The following STXBP6 variants were observed in gnomAD, a reference collection of about 807,000 sequenced individuals.
The protein encoded by STXBP6 is syntaxin binding protein 6.
STXBP6 carries 21 observed loss-of-function variants against 26.9 expected under a neutral mutation model. The observed-to-expected ratio is 0.78, with a 90% CI of 0.55 to 1.12. The LOEUF (loss-of-function observed/expected upper bound fraction) is 1.12. STXBP6 is among the 50% of genes most tolerant of loss of function. STXBP6 has a pLI of 0.00. For missense variants in STXBP6, 232 were observed against 257.9 expected (o/e 0.90, Z 0.69); for synonymous variants, 97 against 92.6 (o/e 1.05, Z -0.27).
chr14:25,027,595 T>G (rs1449569729), intron 1 of STXBP6, among the ~76,000 whole-genome samples: 2 of 152,146 alleles, frequency 1.3e-5, no homozygotes, highest in Non-Finnish European at 2.9e-5. Context: ...ACAACAATAT[T>G]GAAATTAGGC....
At chr14:24,883,353 C>T (rs1352689087) in intron 2 of STXBP6, among the ~76,000 whole-genome samples, 1 of 152,102 alleles carries the variant, frequency 6.6e-6, no homozygotes, top group Non-Finnish European at 1.5e-5. Context: ...CATAGTGATA[C>T]ATTACTATTA....
intron 4 of STXBP6, among the ~76,000 whole-genome samples, chr14:24,838,482 G>A (rs1368218941): frequency 1.3e-5 from 2 of 151,958 alleles, no homozygotes; most frequent in Admixed American, 6.6e-5. Flanking sequence ...TCAGGAGTTC[G>A]AGACCAGCCT....
At chr14:24,828,940 G>A (rs148582861) in intron 4 of STXBP6, among the ~76,000 whole-genome samples, 101 of 152,310 alleles carry the variant, frequency 6.6e-4, no homozygotes, top group African/African-American at 2.1e-3. Flanking sequence ...ATCACTGGGC[G>A]TATGTGAAGA....
At chr14:25,036,855 CAA>C (rs549439602) in intron 1 of STXBP6, among the ~76,000 whole-genome samples, 23 of 62,298 alleles carry the variant, frequency 3.7e-4, no homozygotes, top group Admixed American at 1.5e-3. Flanking sequence ...GACTCCGTCT[CAA>C]AAAAAAAAAA....
chr14:24,851,493 T>C (rs1350199670), intron 4 of STXBP6, among the ~76,000 whole-genome samples: 1 of 151,160 alleles, frequency 6.6e-6, no homozygotes, highest in Non-Finnish European at 1.5e-5. Flanking sequence ...CGGTGTTTGG[T>C]TTTTTGTCCT....
chr14:24,954,559 A>G (rs1219877693), intron 2 of STXBP6, among the ~76,000 whole-genome samples: 1 of 152,186 alleles, frequency 6.6e-6, no homozygotes. Flanking sequence ...TGGAGGGGAA[A>G]GCAGCACTAA....
chr14:24,953,951 G>T (rs1273748803), intron 2 of STXBP6, among the ~76,000 whole-genome samples: 1 of 152,164 alleles, frequency 6.6e-6, no homozygotes, highest in Non-Finnish European at 1.5e-5. Flanking sequence ...AATAGAGGGG[G>T]TTGGAAGAAG....
intron 1 of STXBP6, among the ~76,000 whole-genome samples, chr14:25,008,370 C>G (rs2074951991): frequency 6.6e-6 from 1 of 151,936 alleles, no homozygotes; most frequent in Non-Finnish European, 1.5e-5. Context: ...GTAGCATATG[C>G]CTGTGGTCCC....
At chr14:24,891,536 GC>G (rs2070787072) in intron 2 of STXBP6, among the ~76,000 whole-genome samples, 1 of 152,102 alleles carries the variant, frequency 6.6e-6, no homozygotes. Context: ...CAGGAGACCT[GC>G]CCGACCCTCT....
In STXBP6 at chr14:24,812,419, A is replaced by G. The variant is rs1445665171; in HGVS notation, c.*290T>C. On this transcript the variant is annotated 3_prime_UTR_variant, in exon 6 of 6. Coordinates refer to ENST00000323944, the MANE Select transcript of STXBP6 (RefSeq NM_001394410.1). Reference sequence around the variant, plus strand: ...CAAACTACAAAAAATATTTTTTAATAAAGAAAACATATTCAAAACATACAT... The same window carrying G: ...CAAACTACAAAAAATATTTTTTAATGAAGAAAACATATTCAAAACATACAT... 1.4e-5 allele frequency: 4 copies of G among 281,974 alleles called. No individual in the cohort carries two copies. Among genetic ancestry groups the G allele is most frequent in the Non-Finnish European group, 2.6e-5 (4 of 151,644 alleles). 17.5% of individuals were successfully genotyped at this position (281,974 alleles called of 1,614,324 possible).
chr14:24,898,885 G>T (rs2071099805), intron 2 of STXBP6, among the ~76,000 whole-genome samples: 1 of 152,110 alleles, frequency 6.6e-6, no homozygotes, highest in African/African-American at 2.4e-5. Flanking sequence ...AAACAAAATT[G>T]ACTCTTACCA....
At chr14:25,044,548 C>A (rs2075696594) in intron 1 of STXBP6, among the ~76,000 whole-genome samples, 1 of 152,224 alleles carries the variant, frequency 6.6e-6, no homozygotes, top group South Asian at 2.1e-4. Flanking sequence ...CGCCTCCACT[C>A]CTGCAACCAG....
In STXBP6 at chr14:24,930,779, T is replaced by C. The variant is rs2072355116; in HGVS notation, c.154+43886A>G. ...AAAGTAATTAGTTTGCTGAGAATGA[T>C]GGTAACCATCATTCTAAGCAAACTA... On this transcript the variant is annotated intron_variant, in intron 2 of 5. Coordinates refer to ENST00000323944, the MANE Select transcript of STXBP6 (RefSeq NM_001394410.1). Among the ~76,000 whole-genome samples, 4 of 152,208 alleles carry C rather than the reference T, an allele frequency of 2.6e-5. No homozygotes were observed. The South Asian group carries it at 8.3e-4, about 32-fold the overall frequency.
At chr14:24,933,376 A>C (rs545558683) in intron 2 of STXBP6, among the ~76,000 whole-genome samples, 2 of 152,210 alleles carry the variant, frequency 1.3e-5, no homozygotes, top group Admixed American at 1.3e-4. Context: ...ACATAGCTGG[A>C]AACTTCCTAA....
At chr14:24,915,570 A>G (rs937677644) in intron 2 of STXBP6, among the ~76,000 whole-genome samples, 4 of 152,158 alleles carry the variant, frequency 2.6e-5, no homozygotes, top group African/African-American at 9.7e-5. Context: ...TAAGCTCTGA[A>G]GACATTTTTT....
chr14:25,035,367 A>C (rs563208046), intron 1 of STXBP6, among the ~76,000 whole-genome samples: 2 of 152,278 alleles, frequency 1.3e-5, no homozygotes, highest in Admixed American at 1.3e-4. Context: ...CTCCTGTCAC[A>C]ATGTATATTT....
chr14:24,901,150 T>G (rs2071197425), intron 2 of STXBP6, among the ~76,000 whole-genome samples: 1 of 151,684 alleles, frequency 6.6e-6, no homozygotes, highest in African/African-American at 2.4e-5. Context: ...CAGGATTTTT[T>G]TTTTCTCTGT....
Position 24,990,072 on chromosome 14 carries a change from G to A in STXBP6, c.-32-15222C>T, listed in dbSNP as rs574057282. ...CTGACTATGACTTTGGACACTTCCT[G>A]TTGGGGAAAGGTTAAGTGAATATGT... is the stretch of plus-strand genomic sequence containing the variant. On this transcript the variant is annotated intron_variant, in intron 1 of 5. Transcript: ENST00000323944. Among the ~76,000 whole-genome samples the A allele has an allele frequency of 2.0e-5, 3 of 152,280 alleles. No homozygotes were observed. In the East Asian group the frequency reaches 5.8e-4, roughly 29 times the overall value.
chr14:24,840,084 G>A (rs1285292203), intron 4 of STXBP6, among the ~76,000 whole-genome samples: 8 of 152,224 alleles, frequency 5.3e-5, no homozygotes, highest in Admixed American at 2.6e-4. Flanking sequence ...GTACTGTATG[G>A]GAGAACTACT....
Sources: gnomAD v4.1 joint callset for allele counts (sites outside exome capture counted in the v4.1 genomes callset) on GRCh38, gnomAD v4.1.1 for gene constraint, MANE v1.5 for transcripts, NCBI Gene and HGNC (gene_info 2026-07-23, HGNC 2026-07-21) for gene names.